DAPK1: variants seen among roughly 807,000 people sequenced by gnomAD.
DAPK1 encodes death-associated protein kinase 1.
Under a neutral mutation model 144.9 loss-of-function variants are expected in DAPK1, and 56 were observed. The observed-to-expected ratio is 0.39, with a 90% CI of 0.31 to 0.48. The LOEUF (loss-of-function observed/expected upper bound fraction) is 0.48. Ranked by LOEUF, DAPK1 falls within the 20% of genes least tolerant of loss-of-function variation. The pLI is 0.95. For missense variants in DAPK1, 1,454 were observed against 1,875.4 expected, an observed-to-expected ratio of 0.78 and a Z score of 4.15; for synonymous variants, 690 against 749.0, an observed-to-expected ratio of 0.92 and a Z score of 1.29.
intron 17 of DAPK1, 38 bp from the exon 18 acceptor site, chr9:87,657,991 G>T (rs1276369748): frequency 2.5e-6 from 2 of 800,598 alleles, no homozygotes; most frequent in South Asian, 2.8e-5. Context: ...GCAACTGCGT[G>T]AGAAGAACGA....
chr9:87,557,595 T>TA (rs369795687), intron 2 of DAPK1, among the ~76,000 whole-genome samples: 1 of 152,298 alleles, frequency 6.6e-6, no homozygotes, highest in East Asian at 1.9e-4. Context: ...GTTAAAACAT[T>TA]ACTCATTGAG....
chr9:87,526,213 A>T (rs1408565617), intron 2 of DAPK1, among the ~76,000 whole-genome samples: 1 of 152,260 alleles, frequency 6.6e-6, no homozygotes, highest in South Asian at 2.1e-4. Context: ...ACCTTTTAAT[A>T]TGCAATTCTG....
intron 2 of DAPK1, among the ~76,000 whole-genome samples, chr9:87,548,757 G>A (rs2058884): frequency 0.3 from 45,275 of 151,770 alleles, 7,043 homozygotes; most frequent in Middle Eastern, 0.43. Flanking sequence ...GAAGATTTGC[G>A]CTGCACTGTA....
Position 87,561,474 on chromosome 9 carries a change from C to T in DAPK1, c.63-43480C>T, listed in dbSNP as rs556828495. 1.5e-4 allele frequency among the ~76,000 whole-genome samples: 23 copies of T among 151,842 alleles called. No individual in the cohort carries two copies. In the East Asian group the frequency reaches 2.7e-3, roughly 18 times the overall value. ...CCGGGAGGCGGAGCTTACAGTGAGC[C>T]GAGATGGCACCACTGCACTCCAGCC... On this transcript the variant is annotated intron_variant, in intron 2 of 25. Coordinates refer to ENST00000408954, the MANE Select transcript of DAPK1 (RefSeq NM_004938.4).
intron 2 of DAPK1, among the ~76,000 whole-genome samples, chr9:87,509,850 C>T (rs1227108627): frequency 1.3e-5 from 2 of 152,328 alleles, no homozygotes; most frequent in East Asian, 3.9e-4. Flanking sequence ...TTTCCTTCTG[C>T]ACCACAGCAC....
At chr9:87,664,234 G>A (rs754617863) in intron 18 of DAPK1, among the ~76,000 whole-genome samples, 9 of 152,088 alleles carry the variant, frequency 5.9e-5, no homozygotes, top group Non-Finnish European at 1.2e-4. Context: ...GCTGGGTCCT[G>A]GGAAGCCCCT....
chr9:87,701,909 C>A, intron 24 of DAPK1: 1 of 469,268 alleles, frequency 2.1e-6, no homozygotes, highest in South Asian at 1.6e-5. Flanking sequence ...GGGGGTAGTC[C>A]GGTGAGGCCT....
At chr9:87,554,623 A>G (rs1480603667) in intron 2 of DAPK1, among the ~76,000 whole-genome samples, 1 of 152,158 alleles carries the variant, frequency 6.6e-6, no homozygotes, top group Non-Finnish European at 1.5e-5. Context: ...TAGGGCGCTC[A>G]TGTAGATCCC....
chr9:87,561,039 T>C (rs531303859), intron 2 of DAPK1, among the ~76,000 whole-genome samples: 81 of 152,328 alleles, frequency 5.3e-4, no homozygotes, highest in African/African-American at 1.9e-3. Flanking sequence ...TAGTCATTCA[T>C]CCATCAGTGG....
intron 3 of DAPK1, among the ~76,000 whole-genome samples, chr9:87,621,705 G>A (rs1161705371): frequency 6.6e-6 from 1 of 152,170 alleles, no homozygotes; most frequent in Non-Finnish European, 1.5e-5. Context: ...GATGCAGGCA[G>A]CTGAGGATCC....
At chr9:87,597,064 C>T (rs1204526997) in intron 2 of DAPK1, among the ~76,000 whole-genome samples, 1 of 152,196 alleles carries the variant, frequency 6.6e-6, no homozygotes, top group African/African-American at 2.4e-5. Flanking sequence ...GACCTCTCTA[C>T]ACAGCCTGGG....
At chr9:87,521,925 C>T (rs935043755) in intron 2 of DAPK1, among the ~76,000 whole-genome samples, 8 of 152,166 alleles carry the variant, frequency 5.3e-5, no homozygotes, top group South Asian at 2.1e-4. Flanking sequence ...AATGCGTTAT[C>T]GTGGGAGTGC....
chr9:87,506,760 T>C (rs1824616019), intron 2 of DAPK1: 1 of 152,222 alleles, frequency 6.6e-6, no homozygotes, highest in African/African-American at 2.4e-5. Context: ...GACAGTACAA[T>C]TATAATAAAT....
chr9:87,655,852 G>C (rs138337666), intron 17 of DAPK1, among the ~76,000 whole-genome samples: 1 of 152,204 alleles, frequency 6.6e-6, no homozygotes, highest in Non-Finnish European at 1.5e-5. Flanking sequence ...CTGTGCACAC[G>C]CACACATCTG....
intron 2 of DAPK1, among the ~76,000 whole-genome samples, chr9:87,517,128 G>C (rs1486454596): frequency 7.2e-6 from 1 of 139,076 alleles, no homozygotes; most frequent in East Asian, 2.2e-4. Flanking sequence ...GTGTGTAGGA[G>C]AGTGAAGAAT....
intron 15 of DAPK1, among the ~76,000 whole-genome samples, 194 bp from the exon 16 acceptor site, chr9:87,649,727 C>T (rs1273541318): frequency 1.3e-5 from 2 of 152,180 alleles, no homozygotes; most frequent in Non-Finnish European, 2.9e-5. Context: ...TCAGATCTAC[C>T]TCTTAATGCT....
intron 2 of DAPK1, among the ~76,000 whole-genome samples, chr9:87,523,550 TTG>T (rs1426127165): frequency 1.3e-5 from 2 of 152,232 alleles, no homozygotes; most frequent in Non-Finnish European, 2.9e-5. Context: ...TCTGCCTACC[TTG>T]ACCTCCCAAA....
At chr9:87,695,670 C>T (rs879564948) in intron 21 of DAPK1, among the ~76,000 whole-genome samples, 2 of 152,206 alleles carry the variant, frequency 1.3e-5, no homozygotes, top group Non-Finnish European at 1.5e-5. Flanking sequence ...GTAGGCAGAA[C>T]TGCTGAGCTC....
intron 2 of DAPK1, among the ~76,000 whole-genome samples, chr9:87,536,826 T>C (rs1294545629): frequency 6.6e-6 from 1 of 152,190 alleles, no homozygotes; most frequent in Non-Finnish European, 1.5e-5. Flanking sequence ...ACAGTAACAA[T>C]AAATTTATTC....
Sources: gnomAD v4.1 joint callset for allele counts (sites outside exome capture counted in the v4.1 genomes callset) on GRCh38, gnomAD v4.1.1 for gene constraint, MANE v1.5 for transcripts, NCBI Gene and HGNC (gene_info 2026-07-23, HGNC 2026-07-21) for gene names.